SLCO3A1: variants seen among roughly 807,000 people sequenced by gnomAD.
The protein encoded by SLCO3A1 is PGE1 transporter.
A neutral mutation model predicts 63.1 loss-of-function variants in SLCO3A1; 27 were observed. That is an observed-to-expected ratio of 0.43 (90% confidence interval 0.32 to 0.59). The LOEUF (loss-of-function observed/expected upper bound fraction) is 0.59. Among genes scored for constraint, SLCO3A1 ranks in the 20% least tolerant of loss-of-function variants. The probability of loss-of-function intolerance (pLI) is 0.09; values close to 1 mark genes in which losing one functional copy is unlikely to be tolerated. For synonymous variants in SLCO3A1, 473 were observed against 409.9 expected (o/e 1.15, Z -1.86); for missense variants, 773 against 945.8 (o/e 0.82, Z 2.40).
chr15:92,104,558 T>G lies in SLCO3A1; in HGVS notation c.1009+16T>G. On this transcript the variant is annotated intron_variant, in intron 4 of 9. Transcript: ENST00000318445. ...CAGCTGAGAGGTAAAGGTGGCCTCA[T>G]CTGCCTCTGCTCAGAACAGTAGGGG... 4 of 1,609,156 alleles carry G rather than the reference T, an allele frequency of 2.5e-6. No individual in the cohort carries two copies. The South Asian group carries it at 4.4e-5, about 18-fold the overall frequency.
rs1247989484 is a variant in SLCO3A1, at chr15:92,164,961, T to TA, written c.*1826_*1827insA. On this transcript the variant is annotated 3_prime_UTR_variant, in exon 10 of 10. Transcript: ENST00000318445. ...ACATTCCTGGCGCTGGAAAAAAAAC[T>TA]CAAAGGTTGATTGGTTTGCTTTTTC... is the stretch of plus-strand genomic sequence containing the variant. 2 of 965,378 alleles carry TA rather than the reference T, an allele frequency of 2.1e-6. No homozygotes were observed. The highest frequency in any genetic ancestry group is 3.9e-5 in the African/African-American group (2 of 50,956). The allele number at this position is 965,378 out of a possible 1,614,324, so 59.8% of individuals were successfully genotyped here.
intron 9 of SLCO3A1, among the ~76,000 whole-genome samples, chr15:92,156,468 G>C (rs2048373112): frequency 6.6e-6 from 1 of 152,182 alleles, no homozygotes; most frequent in African/African-American, 2.4e-5. Context: ...ACCTGCTCTT[G>C]AGCCTAGCTC....
Position 92,151,072 on chromosome 15 carries a change from T to C in SLCO3A1, c.1753+58T>C, listed in dbSNP as rs1250468201. ...AATTGGATGCTTATTACTAGGTGAG[T>C]AACTGTCAGTCAAATTATCCCATTT... On this transcript the variant is annotated intron_variant, in intron 9 of 9. Coordinates refer to ENST00000318445, the MANE Select transcript of SLCO3A1 (RefSeq NM_013272.4). 8.8e-6 allele frequency: 10 copies of C among 1,136,860 alleles called. No homozygotes were observed. In the Admixed American group the frequency reaches 1.9e-4, roughly 22 times the overall value. 70.4% of individuals were successfully genotyped at this position (1,136,860 alleles called of 1,614,324 possible).
chr15:92,005,221 G>C (rs1446273322), intron 2 of SLCO3A1, among the ~76,000 whole-genome samples: 1 of 152,220 alleles, frequency 6.6e-6, no homozygotes, highest in African/African-American at 2.4e-5. Flanking sequence ...TGAACAGTAA[G>C]TAGAAAGTCA....
rs1172194765 is a variant in SLCO3A1, at chr15:91,954,355, G to A, written c.646+37897G>A. 3.9e-5 allele frequency among the ~76,000 whole-genome samples: 6 copies of A among 152,184 alleles called. No individual in the cohort carries two copies. The East Asian group carries it at 1.2e-3, about 29-fold the overall frequency. On this transcript the variant is annotated intron_variant, in intron 2 of 9. Transcript: ENST00000318445. The surrounding 1 kb of genome is among the most constrained non-coding windows in gnomAD (Gnocchi z 4.7). Reference sequence around the variant, plus strand: ...AGATCCTGAATGCCATCTGCAGGACGGGCACTGTGCTGAGCCTCAGCCAGG... The same window carrying A: ...AGATCCTGAATGCCATCTGCAGGACAGGCACTGTGCTGAGCCTCAGCCAGG...
At chr15:92,003,582 G>T (rs1453264123) in intron 2 of SLCO3A1, among the ~76,000 whole-genome samples, 2 of 152,140 alleles carry the variant, frequency 1.3e-5, no homozygotes, top group Non-Finnish European at 1.5e-5. Context: ...CATTTTCTCA[G>T]CTGCGTTGAT....
chr15:91,904,004 G>A (rs558540553), intron 1 of SLCO3A1, among the ~76,000 whole-genome samples: 1 of 133,966 alleles, frequency 7.5e-6, no homozygotes, highest in South Asian at 2.6e-4. Flanking sequence ...ATGGAGAAAG[G>A]TCTTCAGGAG....
Position 92,147,138 on chromosome 15 carries a change from C to T in SLCO3A1, c.1667C>T (p.Pro556Leu), listed in dbSNP as rs1596145333. 1 of 1,612,456 alleles carries T rather than the reference C, an allele frequency of 6.2e-7. No individual in the cohort carries two copies. ...CSLIGAMAQT[P>L]SVIILIRTVS... ...CTGATCGGTGCCATGGCACAGACACCCTCAGTCATCATCCTCATCAGGTAA... is the reference window on the plus strand; with the variant it reads ...CTGATCGGTGCCATGGCACAGACACTCTCAGTCATCATCCTCATCAGGTAA... The change falls in exon 8 of 10, where the codon CCC (proline) becomes CTC (leucine). Residue 556 changes from proline (P) to leucine (L), a missense_variant. By Grantham distance (98) the Pro-to-Leu change is moderately conservative (BLOSUM62 -3). Coordinates refer to ENST00000318445, the MANE Select transcript of SLCO3A1 (RefSeq NM_013272.4).
chr15:92,154,522 G>A (rs2048347788), intron 9 of SLCO3A1, among the ~76,000 whole-genome samples: 1 of 152,204 alleles, frequency 6.6e-6, no homozygotes, highest in Non-Finnish European at 1.5e-5. Flanking sequence ...GGACAATGAG[G>A]GGGCCATCTT....
rs1301318105 is a variant in SLCO3A1, at chr15:91,916,644, A to G, written c.646+186A>G. Among the ~76,000 whole-genome samples, 1 of 152,218 alleles carries G rather than the reference A, an allele frequency of 6.6e-6. No homozygotes were observed. Among genetic ancestry groups the G allele is most frequent in the Non-Finnish European group, 1.5e-5 (1 of 68,028 alleles). On this transcript the variant is annotated intron_variant, in intron 2 of 9. Transcript: ENST00000318445. This position sits in a 1 kb window ranked among gnomAD's most constrained non-coding sequence, Gnocchi z 6.2. ...CATTGAGACGTTTTTAAAAGTTCCCAGGTGATTCTTGTGAGCGGCCGAATT... is the reference window on the plus strand; with the variant it reads ...CATTGAGACGTTTTTAAAAGTTCCCGGGTGATTCTTGTGAGCGGCCGAATT...
intron 2 of SLCO3A1, among the ~76,000 whole-genome samples, chr15:91,933,028 T>C (rs1443061635): frequency 6.6e-6 from 1 of 152,144 alleles, no homozygotes; most frequent in Non-Finnish European, 1.5e-5. Context: ...AACTATTTTG[T>C]TATCCTGAGT....
chr15:92,128,081 T>C (rs754076486), intron 6 of SLCO3A1, among the ~76,000 whole-genome samples: 10 of 151,732 alleles, frequency 6.6e-5, no homozygotes, highest in African/African-American at 2.4e-4. Context: ...GGGGCTGGAG[T>C]GGACTCAGCT....
intron 3 of SLCO3A1, among the ~76,000 whole-genome samples, chr15:92,098,680 G>A (rs147697306): frequency 5.3e-5 from 8 of 152,152 alleles, no homozygotes; most frequent in Non-Finnish European, 1.2e-4. Flanking sequence ...ATTCTCATGG[G>A]AGTGTAGATC....
At chr15:91,878,498 A>G (rs767529637) in intron 1 of SLCO3A1, among the ~76,000 whole-genome samples, 3 of 152,134 alleles carry the variant, frequency 2.0e-5, no homozygotes, top group Non-Finnish European at 4.4e-5. Flanking sequence ...GTGTCATCTC[A>G]TGGTCTTCTA....
At chr15:92,098,932 T>G (rs1021378625) in intron 3 of SLCO3A1, among the ~76,000 whole-genome samples, 2 of 152,206 alleles carry the variant, frequency 1.3e-5, no homozygotes, top group African/African-American at 4.8e-5. Flanking sequence ...GTTAACAGTT[T>G]CCACAGCTAG....
Position 91,917,285 on chromosome 15 carries a change from A to G in SLCO3A1, c.646+827A>G, listed in dbSNP as rs566569124. 5.9e-5 allele frequency among the ~76,000 whole-genome samples: 9 copies of G among 152,294 alleles called. No individual in the cohort carries two copies. In the East Asian group the frequency reaches 1.7e-3, roughly 29 times the overall value. On this transcript the variant is annotated intron_variant, in intron 2 of 9. Coordinates refer to ENST00000318445, the MANE Select transcript of SLCO3A1 (RefSeq NM_013272.4). ...TCACTGAGTGCTAAGCTTTGAAAAC[A>G]TTACCTCTACCCAGGGAAGCTTTAT...
intron 1 of SLCO3A1, among the ~76,000 whole-genome samples, chr15:91,861,621 A>G (rs1897049994): frequency 6.6e-6 from 1 of 152,170 alleles, no homozygotes; most frequent in South Asian, 2.1e-4. Context: ...ATAGGCTGCC[A>G]TAAGCCCCAC....
intron 2 of SLCO3A1, among the ~76,000 whole-genome samples, chr15:92,008,765 A>G (rs2046339087): frequency 1.3e-5 from 2 of 152,370 alleles, no homozygotes; most frequent in South Asian, 2.1e-4. Flanking sequence ...CTAGAAAACA[A>G]TAACTGGGAC....
Position 91,957,156 on chromosome 15 carries a change from TA to T in SLCO3A1, c.646+40699del, listed in dbSNP as rs556563956. On this transcript the variant is annotated intron_variant, in intron 2 of 9. Coordinates refer to ENST00000318445, the MANE Select transcript of SLCO3A1 (RefSeq NM_013272.4). ...TATACTATATATTATAATATATATA[TA>T]TATTTTTTTTTTTAGTAGAGACGGG... 3.1e-3 allele frequency among the ~76,000 whole-genome samples: 141 copies of T among 45,772 alleles called. 10 individuals are homozygous for T. Among genetic ancestry groups the T allele is most frequent in the African/African-American group, 0.026 (139 of 5,434 alleles). The allele number at this position is 45,772 out of a possible 152,430, so 30.0% of individuals were successfully genotyped here.
Sources: gnomAD v4.1 joint callset for allele counts (sites outside exome capture counted in the v4.1 genomes callset) on GRCh38, gnomAD v4.1.1 for gene constraint, Gnocchi (gnomAD v3.1) non-coding constraint, MANE v1.5 for transcripts, NCBI Gene and HGNC (gene_info 2026-07-23, HGNC 2026-07-21) for gene names.